Variants in ZNF217 observed in about 807,000 individuals in gnomAD.
ZNF217 encodes the protein zinc finger protein 217.
In ZNF217, 12 loss-of-function variants were observed where a neutral mutation model predicts 73.3. That is an observed-to-expected ratio of 0.16 (90% CI 0.10 to 0.27). The LOEUF (loss-of-function observed/expected upper bound fraction) is 0.27. Ranked by LOEUF, ZNF217 falls within the 10% of genes least tolerant of loss-of-function variation. The pLI, the probability that ZNF217 is intolerant of heterozygous loss-of-function variation, is 1.00. For missense variants in ZNF217, 1,195 were observed against 1,327.8 expected, an observed-to-expected ratio of 0.90 and a Z score of 1.55; for synonymous variants, 588 against 516.4, an observed-to-expected ratio of 1.14 and a Z score of -1.88.
At chr20:53,574,787 T>A (rs1219474862) in intron 4 of ZNF217, 2 of 96,928 alleles carry the variant, frequency 2.1e-5, no homozygotes, top group Non-Finnish European at 3.9e-5. Context: ...AGAGCAAAAC[T>A]CCGTCTCAAA....
intron 4 of ZNF217, 124 bp from the exon 5 acceptor site, chr20:53,571,977 C>G: frequency 1.1e-6 from 1 of 921,684 alleles, no homozygotes; most frequent in Non-Finnish European, 1.5e-6. Context: ...CTAAGTCACA[C>G]AGTCGCATGC....
chr20:53,576,928 A>G lies in ZNF217; in HGVS notation c.1836T>C (p.Asp612=), dbSNP rs2145942429. ...CAGGGGTAGGGTTTTTATTCACTTT[A>G]TCAGCACTGTCATCAGCTGCATTTT... ...FHKNAADDSA[D]KVNKNPTPAY... is the part of the protein sequence containing the mutation. The change falls in exon 4 of 6, where the codon GAT becomes GAC. Residue 612 remains aspartate, a synonymous_variant. Transcript: ENST00000371471. The G allele has an allele frequency of 6.2e-7, 1 of 1,614,136 alleles. No homozygotes were observed. Among genetic ancestry groups the G allele is most frequent in the African/African-American group, 1.3e-5 (1 of 75,032 alleles).
chr20:53,571,406 GC>G (rs35525463), intron 5 of ZNF217, among the ~76,000 whole-genome samples: 1 of 16,492 alleles, frequency 6.1e-5, no homozygotes, highest in Non-Finnish European at 1.1e-4. Context: ...CCCCGCCCCC[GC>G]CCCCCCTTTT....
intron 1 of ZNF217, among the ~76,000 whole-genome samples, chr20:53,589,859 A>C (rs980899413): frequency 2.0e-5 from 3 of 148,298 alleles, no homozygotes; most frequent in African/African-American, 7.5e-5. Context: ...TGTGTAATAC[A>C]TTTTTTTTTT....
intron 1 of ZNF217, among the ~76,000 whole-genome samples, chr20:53,584,188 G>C (rs1409916135): frequency 6.6e-6 from 1 of 152,200 alleles, no homozygotes. Flanking sequence ...CATTGGATAG[G>C]CATTGTTTTT....
At chr20:53,584,241 C>A (rs1440439033) in intron 1 of ZNF217, among the ~76,000 whole-genome samples, 1 of 152,202 alleles carries the variant, frequency 6.6e-6, no homozygotes, top group South Asian at 2.1e-4. Flanking sequence ...TTAATTCCAC[C>A]CAAGAAAACC....
At position 53,576,800 on chromosome 20, in the gene ZNF217, G is replaced by T; in HGVS notation, c.1964C>A (p.Thr655Asn). ...ADVTPPPDGS[T>N]THNLEVSPKE... The stretch of plus-strand genomic sequence containing the variant: ...GGGGCTAACTTCAAGGTTATGGGTG[G>T]TACTGCCATCCGGAGGAGGAGTAAC... Residue 655 changes from threonine (T) to asparagine (N), a missense_variant, in exon 4 of 6, where the codon ACC (threonine) becomes AAC (asparagine). Physicochemically the swap from Thr to Asn is moderately conservative, Grantham distance 65 (BLOSUM62 0). Coordinates refer to ENST00000371471, the MANE Select transcript of ZNF217 (RefSeq NM_006526.3). 1 of 1,614,216 alleles carries T rather than the reference G, an allele frequency of 6.2e-7. No homozygotes were observed. The highest frequency in any genetic ancestry group is 8.5e-7 in the Non-Finnish European group (1 of 1,180,044).
chr20:53,595,419 G>A (rs1183496709), upstream of ZNF217, among the ~76,000 whole-genome samples: 9 of 152,140 alleles, frequency 5.9e-5, no homozygotes, highest in Non-Finnish European at 1.2e-4. Flanking sequence ...AAGAAAGAAC[G>A]CACTACAGAA....
chr20:53,572,070 C>G (rs1271930826), intron 4 of ZNF217, among the ~76,000 whole-genome samples: 1 of 152,080 alleles, frequency 6.6e-6, no homozygotes, highest in East Asian at 1.9e-4. Flanking sequence ...TTAAAATTGT[C>G]TGGGCTGTCA....
chr20:53,594,758 C>T (rs1471845010), upstream of ZNF217, among the ~76,000 whole-genome samples: 2 of 152,160 alleles, frequency 1.3e-5, no homozygotes, highest in Non-Finnish European at 2.9e-5. Context: ...ACCCCTGGGT[C>T]ACCCCGAATT....
At chr20:53,589,580 G>C (rs529602428) in intron 1 of ZNF217, among the ~76,000 whole-genome samples, 1 of 152,328 alleles carries the variant, frequency 6.6e-6, no homozygotes, top group Non-Finnish European at 1.5e-5. Flanking sequence ...GTGAGCTGCA[G>C]ATTTTAGGAA....
chr20:53,582,882 G>T lies in ZNF217; in HGVS notation c.-56C>A, dbSNP rs575987395. On this transcript the variant is annotated 5_prime_UTR_variant, in exon 2 of 6. Coordinates refer to ENST00000371471, the MANE Select transcript of ZNF217 (RefSeq NM_006526.3). The surrounding 1 kb of genome is among the most constrained non-coding windows in gnomAD (Gnocchi z 4.8). ...GGAGTTGGAATAAGGCCACTTGTAA[G>T]ACTTGTCACTCACCCCTCTAACAGC... is the stretch of plus-strand genomic sequence containing the variant. 1.8e-5 allele frequency: 27 copies of T among 1,527,376 alleles called. No homozygotes were observed. Among genetic ancestry groups the T allele is most frequent in the Non-Finnish European group, 2.3e-5 (26 of 1,134,290 alleles). 94.6% of individuals were successfully genotyped at this position (1,527,376 alleles called of 1,614,324 possible).
chr20:53,579,207 C>T (rs1988395369), intron 2 of ZNF217, among the ~76,000 whole-genome samples: 1 of 152,166 alleles, frequency 6.6e-6, no homozygotes, highest in African/African-American at 2.4e-5. Context: ...GAGGACAGAA[C>T]TTCAAACACA....
chr20:53,587,161 C>A (rs1214628060), intron 1 of ZNF217, among the ~76,000 whole-genome samples: 1 of 152,146 alleles, frequency 6.6e-6, no homozygotes, highest in African/African-American at 2.4e-5. Context: ...TCAGTAGATA[C>A]TTTTAAAATT....
intron 1 of ZNF217, among the ~76,000 whole-genome samples, chr20:53,593,014 C>CT (rs1173456189): frequency 6.6e-6 from 1 of 151,816 alleles, no homozygotes; most frequent in Non-Finnish European, 1.5e-5. Flanking sequence ...TTAAAAAAAT[C>CT]TTTAAAATTA....
At chr20:53,573,258 G>A (rs1235367016) in intron 4 of ZNF217, among the ~76,000 whole-genome samples, 16 of 151,826 alleles carry the variant, frequency 1.1e-4, no homozygotes, top group Non-Finnish European at 1.5e-5. Flanking sequence ...GGAGTAGCTG[G>A]GATTACAGGC....
chr20:53,571,482 A>C (rs1263401252), intron 5 of ZNF217, among the ~76,000 whole-genome samples: 2 of 135,376 alleles, frequency 1.5e-5, no homozygotes, highest in African/African-American at 5.7e-5. Context: ...GCTCACTGCA[A>C]CCTCCGCCTC....
upstream of ZNF217, among the ~76,000 whole-genome samples, chr20:53,596,613 C>A (rs1016363720): frequency 6.6e-6 from 1 of 152,118 alleles, no homozygotes; most frequent in Non-Finnish European, 1.5e-5. Flanking sequence ...CCAAAAGTAA[C>A]AGGAGAACAC....
At chr20:53,588,636 ACAC>A (rs1487975272) in intron 1 of ZNF217, among the ~76,000 whole-genome samples, 2 of 147,826 alleles carry the variant, frequency 1.4e-5, no homozygotes, top group East Asian at 4.0e-4. Flanking sequence ...ACACACACAC[ACAC>A]AACTATGCCC....
Sources: allele counts gnomAD v4.1 joint callset (sites outside exome capture counted in the v4.1 genomes callset), GRCh38; gene constraint gnomAD v4.1.1; non-coding constraint Gnocchi (gnomAD v3.1); transcripts MANE v1.5; gene names NCBI Gene and HGNC (gene_info 2026-07-23, HGNC 2026-07-21).